SNX25: variants seen among roughly 807,000 people sequenced by gnomAD.
SNX25 encodes sorting nexin 25, also known as sorting nexin-25.
Under a neutral mutation model 113.7 loss-of-function variants are expected in SNX25, and 62 were observed. The ratio of observed to expected loss-of-function variants is 0.55; its 90% CI spans 0.44 to 0.67. The LOEUF is 0.67. Ranked by LOEUF, SNX25 falls within the 30% of genes least tolerant of loss-of-function variation. The pLI, the probability that SNX25 is intolerant of heterozygous loss-of-function variation, is 0.00. For synonymous variants in SNX25, 421 were observed against 436.2 expected, an observed-to-expected ratio of 0.97 and a Z score of 0.43; for missense variants, 1,014 against 1,161.0, an observed-to-expected ratio of 0.87 and a Z score of 1.84.
intron 13 of SNX25, 67 bp from the exon 14 acceptor site, chr4:185,351,378 T>C: frequency 5.2e-6 from 8 of 1,540,760 alleles, no homozygotes; most frequent in Non-Finnish European, 7.1e-6. Context: ...CGCTCACCTT[T>C]ACTTGTAGCT....
downstream of SNX25, chr4:185,364,454 A>G (rs2095379595): frequency 6.6e-6 from 1 of 152,204 alleles, no homozygotes. Context: ...ATTGAAAACA[A>G]AACAATTAAA....
intron 4 of SNX25, among the ~76,000 whole-genome samples, chr4:185,265,010 A>G (rs1747850519): frequency 6.6e-6 from 1 of 150,614 alleles, no homozygotes; most frequent in African/African-American, 2.4e-5. Context: ...TTTTTTCTTT[A>G]AATAGAGATG....
rs1737432971 is a variant in SNX25 at position 185,209,680 on chromosome 4, C to T, written c.-147C>T. Reference sequence around the variant, plus strand: ...GCCTGGTGGCGGCGCTGAGGGGTCGCCGAGAGGGGCCCGGCGGCGTCTGCG... The same window carrying T: ...GCCTGGTGGCGGCGCTGAGGGGTCGTCGAGAGGGGCCCGGCGGCGTCTGCG... On this transcript the variant is annotated 5_prime_UTR_variant, in exon 1 of 19. Coordinates refer to ENST00000652585, the MANE Select transcript of SNX25 (RefSeq NM_001378034.2). The surrounding 1 kb of genome is among the most constrained non-coding windows in gnomAD (Gnocchi z 5.2). The T allele has an allele frequency of 4.2e-6, 4 of 955,594 alleles. No individual in the cohort carries two copies. Among genetic ancestry groups the T allele is most frequent in the Non-Finnish European group, 5.0e-6 (4 of 803,170 alleles). 59.2% of individuals were successfully genotyped at this position (955,594 alleles called of 1,614,324 possible). A position where few individuals can be genotyped will look rare whatever the true frequency, so the allele number is the denominator to read the frequency against.
downstream of SNX25, among the ~76,000 whole-genome samples, chr4:185,368,798 T>TTG (rs200604333): frequency 4.0e-3 from 604 of 150,386 alleles, 6 homozygotes; most frequent in African/African-American, 0.014. Context: ...CTGTTTTGTT[T>TTG]TTTTTTTTTT....
At chr4:185,324,591 C>T (rs530213083) in intron 9 of SNX25, among the ~76,000 whole-genome samples, 47 of 151,878 alleles carry the variant, frequency 3.1e-4, no homozygotes, top group African/African-American at 9.9e-4. Context: ...GAGGTTATCT[C>T]GGGGCTGGCT....
At chr4:185,306,483 C>T (rs971023870) in intron 6 of SNX25, among the ~76,000 whole-genome samples, 2 of 152,206 alleles carry the variant, frequency 1.3e-5, no homozygotes, top group Admixed American at 6.5e-5. Context: ...CTCTTTCTTA[C>T]TTCTCTTTGG....
intron 15 of SNX25, among the ~76,000 whole-genome samples, chr4:185,354,766 C>T (rs2095331667): frequency 6.6e-6 from 1 of 152,256 alleles, no homozygotes; most frequent in Admixed American, 6.5e-5. Context: ...CACACATTCA[C>T]AGCTCCCAAC....
At chr4:185,339,705 A>G (rs1047097945) in intron 11 of SNX25, among the ~76,000 whole-genome samples, 195 bp downstream of exon 11, 1 of 152,154 alleles carries the variant, frequency 6.6e-6, no homozygotes, top group Non-Finnish European at 1.5e-5. Flanking sequence ...GCTGCTTGGT[A>G]TAGATCTGAT....
At chr4:185,297,898 C>A (rs1476280065) in intron 6 of SNX25, among the ~76,000 whole-genome samples, 1 of 152,180 alleles carries the variant, frequency 6.6e-6, no homozygotes, top group African/African-American at 2.4e-5. Context: ...TTTAGAGGGA[C>A]ACATTCAGTC....
At chr4:185,289,387 A>G (rs1442702802) in intron 6 of SNX25, among the ~76,000 whole-genome samples, 1 of 152,140 alleles carries the variant, frequency 6.6e-6, no homozygotes, top group African/African-American at 2.4e-5. Context: ...TTCTGCATTC[A>G]GTTAGTTGGG....
downstream of SNX25, chr4:185,365,693 T>TA (rs2095385450): frequency 1.6e-5 from 2 of 128,212 alleles, no homozygotes; most frequent in South Asian, 2.4e-4. Flanking sequence ...AAAAAAAAAA[T>TA]AATAATAATA....
At position 185,313,495 on chromosome 4, in the gene SNX25, A is replaced by G. The variant is rs75538721; in HGVS notation, c.1344+2679A>G. Among the ~76,000 whole-genome samples, 108 of 152,352 alleles carry G rather than the reference A, an allele frequency of 7.1e-4. 1 individual carries two copies. In the East Asian group the frequency reaches 0.013, roughly 18 times the overall value. ...ACAGTCCCCCTCAGTAATATCAGTAATAGGAAAATCTGGAAAATTCCCAAA... is the reference window on the plus strand; with the variant it reads ...ACAGTCCCCCTCAGTAATATCAGTAGTAGGAAAATCTGGAAAATTCCCAAA... On this transcript the variant is annotated intron_variant, in intron 7 of 18. Coordinates refer to ENST00000652585, the MANE Select transcript of SNX25 (RefSeq NM_001378034.2).
intron 1 of SNX25, among the ~76,000 whole-genome samples, chr4:185,225,450 G>A (rs565162440): frequency 1.3e-5 from 2 of 152,318 alleles, no homozygotes; most frequent in East Asian, 1.9e-4. Context: ...TTAAAGGCCA[G>A]TGACACTTCC....
intron 12 of SNX25, among the ~76,000 whole-genome samples, chr4:185,344,619 A>G (rs1452221499): frequency 1.3e-5 from 2 of 151,602 alleles, no homozygotes; most frequent in Non-Finnish European, 2.9e-5. Context: ...CCTGTCTCAA[A>G]GTTACATCTT....
chr4:185,248,790 A>G (rs1156662264), intron 2 of SNX25, among the ~76,000 whole-genome samples: 1 of 152,236 alleles, frequency 6.6e-6, no homozygotes, highest in Non-Finnish European at 1.5e-5. Context: ...CATTCAAAAT[A>G]GAGAACATTT....
intron 6 of SNX25, among the ~76,000 whole-genome samples, chr4:185,302,492 GA>G (rs373620008): frequency 2.0e-5 from 3 of 152,116 alleles, no homozygotes; most frequent in African/African-American, 4.8e-5. Flanking sequence ...GGTGTTTGGG[GA>G]AAAAACCTCC....
exon 1 of SNX25, chr4:185,204,429 G>T (rs1218738105): frequency 6.6e-6 from 1 of 152,220 alleles, no homozygotes; most frequent in East Asian, 1.9e-4. Flanking sequence ...CCAGAGGCTG[G>T]TTTCAGAATG....
chr4:185,289,277 A>G (rs959643698), intron 6 of SNX25, among the ~76,000 whole-genome samples: 1 of 152,212 alleles, frequency 6.6e-6, no homozygotes, highest in African/African-American at 2.4e-5. Flanking sequence ...ACAAAAAAAT[A>G]TGTGTTATTT....
At chr4:185,250,538 T>A (rs1369031455) in intron 2 of SNX25, among the ~76,000 whole-genome samples, 1 of 152,232 alleles carries the variant, frequency 6.6e-6, no homozygotes, top group Non-Finnish European at 1.5e-5. Flanking sequence ...GACATTCTCT[T>A]CCAGTTTACT....
Sources: gnomAD v4.1 joint callset for allele counts (sites outside exome capture counted in the v4.1 genomes callset) on GRCh38, gnomAD v4.1.1 for gene constraint, Gnocchi (gnomAD v3.1) non-coding constraint, MANE v1.5 for transcripts, NCBI Gene and HGNC (gene_info 2026-07-23, HGNC 2026-07-21) for gene names.